PCDHA5: variants seen among roughly 807,000 people sequenced by gnomAD.
PCDHA5 encodes protocadherin alpha 5.
Under a neutral mutation model 61.6 loss-of-function variants are expected in PCDHA5, and 43 were observed. The ratio of observed to expected loss-of-function variants is 0.70; its 90% CI spans 0.55 to 0.90. The LOEUF (loss-of-function observed/expected upper bound fraction) is 0.90, where lower values mean the gene tolerates loss of function less well. Ranked by LOEUF, PCDHA5 falls within the 40% of genes least tolerant of loss-of-function variation. The probability of loss-of-function intolerance (pLI) is 0.00; values close to 1 mark genes in which losing one functional copy is unlikely to be tolerated. For missense variants in PCDHA5, 1,298 were observed against 1,222.7 expected (o/e 1.06, Z -0.92); for synonymous variants, 627 against 543.9 (o/e 1.15, Z -2.13).
At chr5:140,827,880 A>G in intron 1 of PCDHA5, 1 of 665,040 alleles carries the variant, frequency 1.5e-6, no homozygotes, top group Non-Finnish European at 2.6e-6. Context: ...TGTTACGTGA[A>G]TTGATTTCTT....
intron 1 of PCDHA5, chr5:140,867,470 T>C (rs1010353201): frequency 2.0e-5 from 3 of 152,066 alleles, no homozygotes; most frequent in Non-Finnish European, 4.4e-5. Context: ...ATGACAACAT[T>C]GGGAAAAGAG....
At chr5:140,999,001 C>T (rs1405051280) in intron 3 of PCDHA5, among the ~76,000 whole-genome samples, 3 of 152,214 alleles carry the variant, frequency 2.0e-5, no homozygotes, top group Non-Finnish European at 4.4e-5. Flanking sequence ...AATGCTGGAG[C>T]TGAGATTTGA....
In PCDHA5 at chr5:140,982,550, C is replaced by T. The variant is rs1554244485; in HGVS notation, c.2487C>T (p.Ser829=). ...CTGATCAGCAGTGGCCAACAGTATC[C>T]AGTGCAACACCAGGTAAAGAGCTGG... The part of the protein sequence containing the change: ...GGPDQQWPTV[S]SATPEPEAGE... The change falls in exon 3 of 4, where the codon TCC becomes TCT. Residue 829 remains serine, a synonymous_variant. Transcript: ENST00000529859. The T allele has an allele frequency of 6.2e-7, 1 of 1,614,176 alleles. No homozygotes were observed. The highest frequency in any genetic ancestry group is 1.7e-5 in the Admixed American group (1 of 60,028).
intron 1 of PCDHA5, chr5:140,842,311 G>A: frequency 6.2e-7 from 1 of 1,608,842 alleles, no homozygotes; most frequent in Non-Finnish European, 8.5e-7. Context: ...ATCCTCCCAT[G>A]GCGGGTCATT....
At chr5:140,861,615 C>G (rs2046996028) in intron 1 of PCDHA5, 1 of 348,276 alleles carries the variant, frequency 2.9e-6, no homozygotes, top group African/African-American at 2.1e-5. Context: ...TAAAGACAAC[C>G]TGCCAGTGTT....
rs782085408 is a variant in PCDHA5, at chr5:140,870,885, C to A, written c.2352+46758C>A. On this transcript the variant is annotated intron_variant, in intron 1 of 3. Coordinates refer to ENST00000529859, the MANE Select transcript of PCDHA5 (RefSeq NM_018908.3). ...CGGGCCACGTGGTGGCGAAGGTGCG[C>A]GCAGTGGATGCGGACTCAGGCTACA... 5 of 1,613,800 alleles carry A rather than the reference C, an allele frequency of 3.1e-6. No individual in the cohort carries two copies. The African/African-American group carries it at 5.3e-5, about 17-fold the overall frequency.
chr5:140,830,084 GT>G, intron 1 of PCDHA5: 1 of 1,613,714 alleles, frequency 6.2e-7, no homozygotes, highest in Non-Finnish European at 8.5e-7. Flanking sequence ...GACGGCCACG[GT>G]TCTGGTGTCG....
At chr5:140,824,529 G>A (rs1463517451) in intron 1 of PCDHA5, 2 of 197,184 alleles carry the variant, frequency 1.0e-5, no homozygotes, top group South Asian at 1.2e-4. Flanking sequence ...ATAGCTCACC[G>A]AAGCCTGAAA....
chr5:140,864,096 T>C (rs1459291547), intron 1 of PCDHA5: 1 of 152,506 alleles, frequency 6.6e-6, no homozygotes, highest in Non-Finnish European at 1.5e-5. Flanking sequence ...TTGATAAGTA[T>C]AATGATAATA....
At chr5:140,939,590 C>G (rs1385974524) in intron 1 of PCDHA5, among the ~76,000 whole-genome samples, 1 of 152,052 alleles carries the variant, frequency 6.6e-6, no homozygotes, top group African/African-American at 2.4e-5. Flanking sequence ...TTTTAACATA[C>G]CTTGCTCAAA....
intron 1 of PCDHA5, 139 bp from the exon 2 acceptor site, chr5:140,978,808 TAG>T: frequency 6.7e-7 from 1 of 1,496,146 alleles, no homozygotes; most frequent in Non-Finnish European, 8.9e-7. Flanking sequence ...GATATCATCA[TAG>T]AGTTACACAT....
chr5:140,968,355 G>C lies in PCDHA5; in HGVS notation c.2353-10594G>C. On this transcript the variant is annotated intron_variant, in intron 1 of 3. Transcript: ENST00000529859. ...GTCTCCATTAACAGTGCCAGTGGCA[G>C]CCTTTATGCTGTCAACTCCTTTGAC... 1 of 1,614,080 alleles carries C rather than the reference G, an allele frequency of 6.2e-7. No individual in the cohort carries two copies. The highest frequency in any genetic ancestry group is 8.5e-7 in the Non-Finnish European group (1 of 1,180,010).
intron 1 of PCDHA5, chr5:140,858,192 T>A: frequency 6.3e-7 from 1 of 1,597,272 alleles, no homozygotes; most frequent in Non-Finnish European, 8.6e-7. Context: ...ACGCTGCTGC[T>A]GTACACTGCA....
intron 3 of PCDHA5, among the ~76,000 whole-genome samples, chr5:140,996,928 G>A (rs114173550): frequency 6.6e-6 from 1 of 152,032 alleles, no homozygotes; most frequent in African/African-American, 2.4e-5. Flanking sequence ...AAAAAATATA[G>A]CATTTTTGCA....
intron 1 of PCDHA5, chr5:140,877,939 A>G (rs2057403639): frequency 7.2e-7 from 1 of 1,379,672 alleles, no homozygotes. Context: ...TCTATCCTTT[A>G]AACTATCGAA....
intron 1 of PCDHA5, among the ~76,000 whole-genome samples, chr5:140,840,158 A>G (rs2150304038): frequency 1.3e-5 from 2 of 152,010 alleles, no homozygotes; most frequent in Admixed American, 1.3e-4. Context: ...GAAAGGAGAG[A>G]TGGGATGTAT....
Position 140,821,939 on chromosome 5 carries a change from T to A in PCDHA5, c.164T>A (p.Leu55Gln), listed in dbSNP as rs1489594873. 36 of 1,614,162 alleles carry A rather than the reference T, an allele frequency of 2.2e-5. No homozygotes were observed. Among genetic ancestry groups the A allele is most frequent in the Non-Finnish European group, 2.7e-5 (32 of 1,180,042 alleles). Reference protein sequence around the residue: ...GRIAQDLGLELAELVPRLFRV... With the variant: ...GRIAQDLGLEQAELVPRLFRV... ...ATCGCGCAGGACCTAGGGCTGGAGCTGGCGGAGCTGGTGCCGCGCCTGTTC... is the reference window on the plus strand; with the variant it reads ...ATCGCGCAGGACCTAGGGCTGGAGCAGGCGGAGCTGGTGCCGCGCCTGTTC... The change falls in exon 1 of 4, where the codon CTG (leucine) becomes CAG (glutamine). Residue 55 changes from leucine (L) to glutamine (Q), a missense_variant. Coordinates refer to ENST00000529859, the MANE Select transcript of PCDHA5 (RefSeq NM_018908.3).
chr5:140,850,299 G>C (rs2150478562), intron 1 of PCDHA5: 2 of 1,596,610 alleles, frequency 1.3e-6, no homozygotes, highest in East Asian at 2.2e-5. Context: ...CGCCGACTCG[G>C]GCTACAACGC....
At chr5:140,925,641 T>TATA (rs10569930) in intron 1 of PCDHA5, among the ~76,000 whole-genome samples, 50,126 of 143,032 alleles carry the variant, frequency 0.35, 8,990 homozygotes, top group South Asian at 0.5. Context: ...GAACTTAAAG[T>TATA]ATAATAATAA....
Sources: gnomAD v4.1 joint callset for allele counts (sites outside exome capture counted in the v4.1 genomes callset) on GRCh38, gnomAD v4.1.1 for gene constraint, MANE v1.5 for transcripts, NCBI Gene and HGNC (gene_info 2026-07-23, HGNC 2026-07-21) for gene names.